The following GLS variants were observed in gnomAD, a reference collection of about 807,000 sequenced individuals.
GLS encodes glutaminase.
Under a neutral mutation model 86.7 loss-of-function variants are expected in GLS, and 36 were observed. That is an observed-to-expected ratio of 0.42 (90% CI 0.32 to 0.55). GLS has a LOEUF of 0.55. Ranked by LOEUF, GLS falls within the 20% of genes least tolerant of loss-of-function variation. The pLI is 0.17. For missense variants in GLS, 528 were observed against 833.4 expected, an observed-to-expected ratio of 0.63 and a Z score of 4.51; for synonymous variants, 317 against 305.9, an observed-to-expected ratio of 1.04 and a Z score of -0.38.
Position 190,954,600 on chromosome 2 carries a change from A to G in GLS, c.1729A>G (p.Met577Val). 1.9e-6 allele frequency: 3 copies of G among 1,612,168 alleles called. No individual in the cohort carries two copies. Among genetic ancestry groups the G allele is most frequent in the Non-Finnish European group, 2.5e-6 (3 of 1,178,588 alleles). Residue 577 changes from methionine to valine, a missense_variant, in exon 16 of 18, where the codon ATG (methionine) becomes GTG (valine). By Grantham distance (21) the Met-to-Val change is conservative (BLOSUM62 1). Around this residue, in one of 4 missense-constraint regions of GLS, gnomAD observed 163 missense variants for 429.2 expected, o/e 0.38. Transcript: ENST00000320717. The surrounding 1 kb of genome is among the most constrained non-coding windows in gnomAD (Gnocchi z 4.0). ...SALRRFALSA[M>V]DMEQRDYDSR... The stretch of plus-strand genomic sequence containing the variant: ...CATTTTCAGATTTGCTTTGTCAGCT[A>G]TGGACATGGAACAGCGGGACTATGA...
intron 14 of GLS, among the ~76,000 whole-genome samples, chr2:190,944,323 T>C (rs1050147539): frequency 1.1e-4 from 17 of 152,140 alleles, no homozygotes; most frequent in Non-Finnish European, 2.2e-4. Context: ...ACTTTATCAT[T>C]CCAGAAATGT....
chr2:190,881,501 C>G, intron 1 of GLS, 31 bp downstream of exon 1: 1 of 1,530,070 alleles, frequency 6.5e-7, no homozygotes, highest in Non-Finnish European at 8.8e-7. Context: ...CAGGAGGCCT[C>G]GTTCCTTTCG....
intron 7 of GLS, among the ~76,000 whole-genome samples, chr2:190,911,882 A>AACAT (rs1302823795): frequency 6.6e-6 from 1 of 152,146 alleles, no homozygotes; most frequent in African/African-American, 2.4e-5. Context: ...AAGAGAGATT[A>AACAT]ACATACACTA....
chr2:190,932,913 CT>C, intron 14 of GLS: 1 of 1,386,894 alleles, frequency 7.2e-7, no homozygotes, highest in Non-Finnish European at 9.4e-7. Flanking sequence ...TTTCAAACAT[CT>C]TTAGCTTTTT....
rs557432731 is a variant in GLS at position 190,954,329 on chromosome 2, G to A, written c.1713-255G>A. 6.6e-6 allele frequency among the ~76,000 whole-genome samples: 1 copy of A among 152,194 alleles called. No homozygotes were observed. The highest frequency in any genetic ancestry group is 2.1e-4 in the South Asian group (1 of 4,828). ...TAATTCTTAAGTTGCGAACAATAAT[G>A]TAATAAAGTTTAATTCTGTGAGAGA... is the stretch of plus-strand genomic sequence containing the variant. On this transcript the variant is annotated intron_variant, in intron 15 of 17. Transcript: ENST00000320717. This position sits in a 1 kb window ranked among gnomAD's most constrained non-coding sequence, Gnocchi z 4.0.
At chr2:190,889,268 G>A (rs963589584) in intron 1 of GLS, among the ~76,000 whole-genome samples, 1 of 152,174 alleles carries the variant, frequency 6.6e-6, no homozygotes, top group Non-Finnish European at 1.5e-5. Context: ...AATTTATAGA[G>A]TTAATTTTTT....
rs1294141986 is a variant in GLS, at chr2:190,962,008, T to C, written c.1854-822T>C. Among the ~76,000 whole-genome samples the C allele has an allele frequency of 6.6e-6, 1 of 152,150 alleles. No homozygotes were observed. The highest frequency in any genetic ancestry group is 6.5e-5 in the Admixed American group (1 of 15,274). On this transcript the variant is annotated intron_variant, in intron 17 of 17. Transcript: ENST00000320717. The surrounding 1 kb of genome is among the most constrained non-coding windows in gnomAD (Gnocchi z 4.2). Reference sequence around the variant, plus strand: ...GGGTAGGAAGACAGGCTTCACAGTTTGTAAAGTGTAAGGGAACTACCCATC... The same window carrying C: ...GGGTAGGAAGACAGGCTTCACAGTTCGTAAAGTGTAAGGGAACTACCCATC...
intron 1 of GLS, among the ~76,000 whole-genome samples, chr2:190,885,209 T>G (rs1688333455): frequency 1.3e-5 from 2 of 152,178 alleles, no homozygotes; most frequent in African/African-American, 4.8e-5. Flanking sequence ...TTTTTTTTTT[T>G]GAGATGGAGT....
intron 7 of GLS, among the ~76,000 whole-genome samples, chr2:190,912,577 A>G (rs563043493): frequency 3.4e-4 from 52 of 152,214 alleles, no homozygotes; most frequent in African/African-American, 1.2e-3. Context: ...CCATAGCCAA[A>G]AGGCCTTAAA....
intron 17 of GLS, among the ~76,000 whole-genome samples, chr2:190,957,714 G>A (rs1329218259): frequency 2.0e-5 from 3 of 152,166 alleles, no homozygotes; most frequent in South Asian, 2.1e-4. Flanking sequence ...TACGTGTATC[G>A]ATTTGCATAT....
At chr2:190,931,669 A>C (rs922683348) in intron 14 of GLS, 32 bp downstream of exon 14, 7 of 1,032,710 alleles carry the variant, frequency 6.8e-6, no homozygotes, top group Admixed American at 2.1e-5. Context: ...ATAAGTATAT[A>C]AAATTTTTAA....
At chr2:190,898,520 C>T (rs1452847866) in intron 3 of GLS, among the ~76,000 whole-genome samples, 1 of 152,188 alleles carries the variant, frequency 6.6e-6, no homozygotes, top group Non-Finnish European at 1.5e-5. Context: ...GCAAAATTGG[C>T]TTTGTCAGCC....
Position 190,930,496 on chromosome 2 carries a change from T to C in GLS, c.1485T>C (p.Val495=), listed in dbSNP as rs3207596. 1.6e-5 allele frequency: 25 copies of C among 1,611,378 alleles called. No homozygotes were observed. The highest frequency in any genetic ancestry group is 1.6e-4 in the Middle Eastern group (1 of 6,080). The change falls in exon 13 of 18, where the codon GTT becomes GTC. Residue 495 remains valine, a synonymous_variant. Coordinates refer to ENST00000320717, the MANE Select transcript of GLS (RefSeq NM_014905.5). The surrounding 1 kb of genome is among the most constrained non-coding windows in gnomAD (Gnocchi z 5.0). ...GCATTCTTTTAGTTGTCCCCAATGTTATGGGTATGATGTGCTGGTCTCCTC... is the reference window on the plus strand; with the variant it reads ...GCATTCTTTTAGTTGTCCCCAATGTCATGGGTATGATGTGCTGGTCTCCTC... ...AGGILLVVPN[V]MGMMCWSPPL... is the part of the protein sequence containing the mutation.
chr2:190,937,961 A>T (rs1470908548), intron 14 of GLS, among the ~76,000 whole-genome samples: 4 of 150,016 alleles, frequency 2.7e-5, no homozygotes, highest in Non-Finnish European at 5.9e-5. Flanking sequence ...GGCAAGCGTT[A>T]GAAACAGGTG....
At chr2:190,946,204 T>C (rs1320221003) in intron 14 of GLS, among the ~76,000 whole-genome samples, 2 of 152,200 alleles carry the variant, frequency 1.3e-5, no homozygotes, top group Non-Finnish European at 2.9e-5. Flanking sequence ...GGTGATTAAT[T>C]TACATATGAT....
Position 190,935,277 on chromosome 2 carries a change from T to C in GLS, c.1650+3640T>C. ...TACATTTTGTATTGCACAATAAATT[T>C]ATTTTAAGCTGATTTTATTGTTTTT... On this transcript the variant is annotated intron_variant, in intron 14 of 17. Coordinates refer to ENST00000320717, the MANE Select transcript of GLS (RefSeq NM_014905.5). The surrounding 1 kb of genome is among the most constrained non-coding windows in gnomAD (Gnocchi z 4.2). 4 of 566,566 alleles carry C rather than the reference T, an allele frequency of 7.1e-6. No individual in the cohort carries two copies. Among genetic ancestry groups the C allele is most frequent in the Non-Finnish European group, 8.9e-6 (4 of 447,528 alleles). 35.1% of individuals were successfully genotyped at this position (566,566 alleles called of 1,614,324 possible).
At chr2:190,937,400 T>C (rs1304772755) in intron 14 of GLS, among the ~76,000 whole-genome samples, 1 of 151,326 alleles carries the variant, frequency 6.6e-6, no homozygotes, top group Non-Finnish European at 1.5e-5. Flanking sequence ...AGAAAACTAC[T>C]CTAAGAGGAT....
At chr2:190,961,687 C>CGTTTTTTTTTTTTTT (rs1172048241) in intron 17 of GLS, among the ~76,000 whole-genome samples, 1 of 61,808 alleles carries the variant, frequency 1.6e-5, no homozygotes, top group African/African-American at 5.5e-5. Flanking sequence ...CTTAATTCAG[C>CGTTTTTTTTTTTTTT]TGTTTTTTTT....
chr2:190,926,235 T>C (rs1199757921), intron 11 of GLS, among the ~76,000 whole-genome samples: 1 of 152,216 alleles, frequency 6.6e-6, no homozygotes, highest in Admixed American at 6.5e-5. Flanking sequence ...GAAATGATCA[T>C]TGGAATTCAG....
Sources: allele counts gnomAD v4.1 joint callset (sites outside exome capture counted in the v4.1 genomes callset), GRCh38; gene constraint gnomAD v4.1.1; regional missense constraint gnomAD v4.1.1; non-coding constraint Gnocchi (gnomAD v3.1); transcripts MANE v1.5; gene names NCBI Gene and HGNC (gene_info 2026-07-23, HGNC 2026-07-21).